Variants in ABCC8 observed in about 807,000 individuals in gnomAD.
ABCC8 encodes ATP binding cassette subfamily C member 8.
A neutral mutation model predicts 188.0 loss-of-function variants in ABCC8; 137 were observed. That is an observed-to-expected ratio of 0.73 (90% CI 0.63 to 0.84). ABCC8 has a LOEUF of 0.84. Among genes scored for constraint, ABCC8 ranks in the 40% least tolerant of loss-of-function variants. The pLI is 0.00. For synonymous variants in ABCC8, 797 were observed against 846.5 expected (o/e 0.94, Z 1.01); for missense variants, 1,750 against 2,072.7 (o/e 0.84, Z 3.02).
intron 16 of ABCC8, among the ~76,000 whole-genome samples, chr11:17,423,536 A>C (rs537021328): frequency 9.2e-5 from 14 of 152,250 alleles, no homozygotes; most frequent in Non-Finnish European, 1.8e-4. Flanking sequence ...GGTTGGCTGC[A>C]AGCTAACAAA....
chr11:17,443,969 T>C (rs374321468), intron 8 of ABCC8, among the ~76,000 whole-genome samples: 15 of 152,308 alleles, frequency 9.8e-5, no homozygotes, highest in East Asian at 5.8e-4. Flanking sequence ...CAGACACCTC[T>C]AAATACAGGG....
rs541189430 is a variant in ABCC8 at position 17,455,390 on chromosome 11, G to A, written c.1012-2107C>T. Among the ~76,000 whole-genome samples, 3 of 152,206 alleles carry A rather than the reference G, an allele frequency of 2.0e-5. No individual in the cohort carries two copies. In the East Asian group the frequency reaches 5.8e-4, roughly 29 times the overall value. On this transcript the variant is annotated intron_variant, in intron 6 of 38. Coordinates refer to ENST00000389817, the MANE Select transcript of ABCC8 (RefSeq NM_000352.6). ...TGGGTGTTACTTAAATATACTCGTC[G>A]GTATTTGTGCATTTTTAACAAAACA...
chr11:17,396,814 C>T (rs1953952724), intron 33 of ABCC8, 102 bp downstream of exon 33: 2 of 1,469,184 alleles, frequency 1.4e-6, no homozygotes, highest in South Asian at 1.2e-5. Flanking sequence ...AGGCCTCGGC[C>T]CTGGAGGGCC....
chr11:17,441,695 C>T (rs2133591584), intron 10 of ABCC8, among the ~76,000 whole-genome samples: 1 of 152,294 alleles, frequency 6.6e-6, no homozygotes, highest in Non-Finnish European at 1.5e-5. Context: ...TGGGCCAGGA[C>T]TCCATGGATC....
intron 16 of ABCC8, among the ~76,000 whole-genome samples, chr11:17,420,469 C>T (rs1955288772): frequency 6.6e-6 from 1 of 152,204 alleles, no homozygotes; most frequent in Non-Finnish European, 1.5e-5. Flanking sequence ...TCTCACCACA[C>T]CTGCCTCCTC....
At chr11:17,445,041 G>A (rs144176067) in intron 8 of ABCC8, among the ~76,000 whole-genome samples, 53 of 152,322 alleles carry the variant, frequency 3.5e-4, no homozygotes, top group Non-Finnish European at 5.0e-4. Flanking sequence ...CTGGGGAACC[G>A]CAGAAAGGAG....
intron 1 of ABCC8, among the ~76,000 whole-genome samples, chr11:17,475,312 G>A (rs1285731142): frequency 6.6e-6 from 1 of 152,132 alleles, no homozygotes; most frequent in Non-Finnish European, 1.5e-5. Context: ...TGATCTCCTA[G>A]GCTCAAGTGA....
In ABCC8 at chr11:17,414,368, T is replaced by C. The variant is rs1428902938; in HGVS notation, c.2390+144A>G. The C allele has an allele frequency of 6.0e-6, 7 of 1,165,260 alleles. No individual in the cohort carries two copies. The South Asian group carries it at 6.3e-5, about 10-fold the overall frequency. The allele number at this position is 1,165,260 out of a possible 1,614,324, so 72.2% of individuals were successfully genotyped here. A position where few individuals can be genotyped will look rare whatever the true frequency, so the allele number is the denominator to read the frequency against. On this transcript the variant is annotated intron_variant, in intron 19 of 38. Transcript: ENST00000389817. ...ACCTGGCCCCTCTCCAGGTGCACCA[T>C]ATGGAGAGGCTGGAGTGCAGGTAAG...
chr11:17,445,414 T>C (rs1430897316), intron 8 of ABCC8, among the ~76,000 whole-genome samples: 1 of 152,198 alleles, frequency 6.6e-6, no homozygotes, highest in African/African-American at 2.4e-5. Flanking sequence ...CACAGCTCTG[T>C]GAATATAGGA....
In ABCC8 at chr11:17,393,342, C is replaced by T. The variant is rs574144662; in HGVS notation, c.4609-214G>A. The T allele has an allele frequency of 4.3e-6, 3 of 701,756 alleles. No individual in the cohort carries two copies. In the East Asian group the frequency reaches 8.2e-5, roughly 19 times the overall value. The allele number at this position is 701,756 out of a possible 1,614,324, so 43.5% of individuals were successfully genotyped here. The stretch of plus-strand genomic sequence containing the variant: ...CCCTTCTCTCCTCTCCAAGTCCCAA[C>T]TCTACCCCACCTCCAGGCTTCAAGG... On this transcript the variant is annotated intron_variant, in intron 38 of 38. Coordinates refer to ENST00000389817, the MANE Select transcript of ABCC8 (RefSeq NM_000352.6).
At chr11:17,417,047 C>T in intron 16 of ABCC8, 85 bp from the exon 17 acceptor site, 1 of 1,597,418 alleles carries the variant, frequency 6.3e-7, no homozygotes, top group East Asian at 2.3e-5. Flanking sequence ...AGGGGAGAAG[C>T]AATCCCCACC....
At chr11:17,455,957 AAAG>A (rs1564967900) in intron 6 of ABCC8, among the ~76,000 whole-genome samples, 2 of 151,030 alleles carry the variant, frequency 1.3e-5, no homozygotes, top group Non-Finnish European at 2.9e-5. Context: ...AAAAAAAAAA[AAAG>A]AAGTGGGTAC....
At chr11:17,399,269 C>A in intron 29 of ABCC8, among the ~76,000 whole-genome samples, 1 of 98,784 alleles carries the variant, frequency 1.0e-5, no homozygotes, top group Non-Finnish European at 1.9e-5. Flanking sequence ...AAGTGAGACT[C>A]TGCCTCAAAA....
rs927759768 is a variant in ABCC8 at position 17,443,007 on chromosome 11, C to G, written c.1468-125G>C. 4 of 1,541,398 alleles carry G rather than the reference C, an allele frequency of 2.6e-6. No individual in the cohort carries two copies. The African/African-American group carries it at 5.5e-5, about 21-fold the overall frequency. On this transcript the variant is annotated intron_variant, in intron 9 of 38. Coordinates refer to ENST00000389817, the MANE Select transcript of ABCC8 (RefSeq NM_000352.6). ...TGTCCTCACCGGGAGGCAGCCTCCT[C>G]CCCCATTGACTCCATTTCCCAGACA...
intron 2 of ABCC8, among the ~76,000 whole-genome samples, chr11:17,471,236 G>A (rs1187221349): frequency 1.3e-5 from 2 of 152,242 alleles, no homozygotes; most frequent in Non-Finnish European, 2.9e-5. Context: ...AACTGTTGGA[G>A]TCAGCAGGCT....
At position 17,475,329 on chromosome 11, in the gene ABCC8, C is replaced by T. The variant is rs140919480; in HGVS notation, c.149-302G>A. On this transcript the variant is annotated intron_variant, in intron 1 of 38. Coordinates refer to ENST00000389817, the MANE Select transcript of ABCC8 (RefSeq NM_000352.6). The stretch of plus-strand genomic sequence containing the variant: ...ATCTCCTAGGCTCAAGTGATCCTCC[C>T]GCCTCAGCCTCCTGAGTAGCTGGGA... Among the ~76,000 whole-genome samples the T allele has an allele frequency of 3.0e-4, 45 of 152,240 alleles. No individual in the cohort carries two copies. In the East Asian group the frequency reaches 7.9e-3, roughly 27 times the overall value.
intron 6 of ABCC8, among the ~76,000 whole-genome samples, chr11:17,459,649 T>C (rs922234074): frequency 2.0e-4 from 31 of 152,226 alleles, no homozygotes; most frequent in African/African-American, 6.8e-4. Flanking sequence ...ACATCCTCAC[T>C]TGGAAACTAA....
At chr11:17,399,287 A>AC (rs1954109494) in intron 29 of ABCC8, among the ~76,000 whole-genome samples, 5 of 93,060 alleles carry the variant, frequency 5.4e-5, no homozygotes, top group African/African-American at 1.6e-4. Flanking sequence ...AAAAAAAAAA[A>AC]AAAAAAAAAA....
chr11:17,461,642 T>A lies in ABCC8; in HGVS notation c.763A>T (p.Ile255Phe). The A allele has an allele frequency of 1.2e-6, 2 of 1,614,230 alleles. No homozygotes were observed. Among genetic ancestry groups the A allele is most frequent in the South Asian group, 2.2e-5 (2 of 91,078 alleles). ...IDLRAIGKLP[I>F]AMRALTNYQR... ...TAGTTGGTGAGGGCCCTCATGGCGA[T>A]GGGCAGCTTCCCGATGGCTCGCAAG... The change falls in exon 5 of 39, where the codon ATC (isoleucine) becomes TTC (phenylalanine). Residue 255 changes from isoleucine (I) to phenylalanine (F), a missense_variant. Transcript: ENST00000389817.
Sources: gnomAD v4.1 joint callset for allele counts (sites outside exome capture counted in the v4.1 genomes callset) on GRCh38, gnomAD v4.1.1 for gene constraint, MANE v1.5 for transcripts, NCBI Gene and HGNC (gene_info 2026-07-23, HGNC 2026-07-21) for gene names.